Variants in DIDO1 observed in about 807,000 individuals in gnomAD.
DIDO1 encodes death-inducer obliterator 1.
Under a neutral mutation model 99.4 loss-of-function variants are expected in DIDO1, and 16 were observed. That is an observed-to-expected ratio of 0.16 (90% CI 0.11 to 0.24). The LOEUF is 0.24. DIDO1 is among the 10% of genes least tolerant of loss of function. The probability of loss-of-function intolerance (pLI) is 1.00; values close to 1 mark genes in which losing one functional copy is unlikely to be tolerated. For missense variants in DIDO1, 2,996 were observed against 3,014.0 expected (o/e 0.99, Z 0.14); for synonymous variants, 1,366 against 1,239.1 (o/e 1.10, Z -2.15).
chr20:62,882,915 C>T (rs979570359), intron 15 of DIDO1, among the ~76,000 whole-genome samples: 3 of 81,384 alleles, frequency 3.7e-5, no homozygotes, highest in Non-Finnish European at 6.4e-5. Flanking sequence ...AACAAACAGC[C>T]TTTTTTTTTT....
chr20:62,905,986 C>T lies in DIDO1; in HGVS notation c.1489G>A (p.Ala497Thr). Residue 497 changes from alanine to threonine, a missense_variant, in exon 6 of 16, where the codon GCT (alanine) becomes ACT (threonine). This residue lies in a region of DIDO1 where 898 missense variants were observed against 972.7 expected (regional missense o/e 0.92). Coordinates refer to ENST00000395343, the MANE Select transcript of DIDO1 (RefSeq NM_001193369.2). Reference sequence around the variant, plus strand: ...CACGACGGCGTGCTGCTCTCACAAGCTGCTTCCTTCCCGAGTGCTTCACTC... The same window carrying T: ...CACGACGGCGTGCTGCTCTCACAAGTTGCTTCCTTCCCGAGTGCTTCACTC... The part of the protein sequence containing the change: ...ARSEALGKEA[A>T]CESSTPSWAS... 1 of 1,614,088 alleles carries T rather than the reference C, an allele frequency of 6.2e-7. No individual in the cohort carries two copies. Among genetic ancestry groups the T allele is most frequent in the Non-Finnish European group, 8.5e-7 (1 of 1,180,038 alleles).
intron 6 of DIDO1, chr20:62,905,116 T>C (rs1600978372): frequency 1.0e-6 from 1 of 1,000,010 alleles, no homozygotes; most frequent in African/African-American, 1.7e-5. Flanking sequence ...ATTTCATTAA[T>C]TTGAAATTTG....
chr20:62,912,387 A>G (rs2064961869), intron 2 of DIDO1, among the ~76,000 whole-genome samples: 1 of 151,584 alleles, frequency 6.6e-6, no homozygotes, highest in Non-Finnish European at 1.5e-5. Context: ...CAACTGGGAC[A>G]CTTAGAAAAC....
At chr20:62,893,531 T>C in intron 12 of DIDO1, 135 bp downstream of exon 12, 1 of 1,109,046 alleles carries the variant, frequency 9.0e-7, no homozygotes, top group South Asian at 2.0e-5. Flanking sequence ...CAACTGGGGC[T>C]TTTTAAAAGA....
chr20:62,889,403 T>C (rs1465992534), intron 15 of DIDO1: 3 of 985,440 alleles, frequency 3.0e-6, no homozygotes, highest in Non-Finnish European at 2.4e-6. Context: ...AGTTTGGAGA[T>C]GAGCAGGGAG....
chr20:62,915,226 G>A (rs564461917), intron 1 of DIDO1, among the ~76,000 whole-genome samples: 23 of 152,300 alleles, frequency 1.5e-4, no homozygotes, highest in Admixed American at 1.2e-3. Context: ...TGTGATCCCA[G>A]CTGCTTGGGA....
chr20:62,888,469 CT>C (rs1257913260), intron 15 of DIDO1: 2 of 985,406 alleles, frequency 2.0e-6, no homozygotes, highest in African/African-American at 3.5e-5. Context: ...CCTGCAGACC[CT>C]CACCCAGCAC....
rs1289845038 is a variant in DIDO1, at chr20:62,880,684, G to A, written c.5272C>T (p.Pro1758Ser). The A allele has an allele frequency of 1.9e-6, 3 of 1,612,792 alleles. No homozygotes were observed. Residue 1758 changes from proline to serine, a missense_variant, in exon 16 of 16, where the codon CCT becomes TCT. By Grantham distance (74) the Pro-to-Ser change is moderately conservative. Transcript: ENST00000395343. ...PPFQGQREPG[P>S]HALGMSGLHG... ...AGCCCTGACATCCCCAAAGCATGAG[G>A]TCCAGGTTCCCGCTGACCCTGAAAC...
chr20:62,879,658 G>C lies in DIDO1; in HGVS notation c.6298C>G (p.Leu2100Val), dbSNP rs534209559. The part of the protein sequence containing the change: ...RFDVGPKEKP[L>V]EEPDAQGRAS... ...CGGCCCTGGGCGTCGGGCTCCTCCA[G>C]CGGCTTCTCTTTGGGCCCCACGTCA... Residue 2100 changes from leucine (L) to valine (V), a missense_variant, in exon 16 of 16, where the codon CTG becomes GTG. Around this residue, in one of 5 missense-constraint regions of DIDO1, gnomAD observed 1,562 missense variants for 1,412.6 expected, o/e 1.11. Coordinates refer to ENST00000395343, the MANE Select transcript of DIDO1 (RefSeq NM_001193369.2). The surrounding 1 kb of genome is among the most constrained non-coding windows in gnomAD (Gnocchi z 6.3). The C allele has an allele frequency of 1.1e-5, 17 of 1,608,326 alleles. No individual in the cohort carries two copies. In the Admixed American group the frequency reaches 2.2e-4, roughly 20 times the overall value.
chr20:62,909,309 C>G (rs929791826), intron 4 of DIDO1, among the ~76,000 whole-genome samples: 13 of 152,222 alleles, frequency 8.5e-5, no homozygotes, highest in Admixed American at 3.9e-4. Flanking sequence ...AACACAGCTG[C>G]AAGACAGAGA....
Position 62,919,547 on chromosome 20 carries a change from G to GA in DIDO1, c.-199-5142dup, listed in dbSNP as rs961675959. ...AAGAGCAAAACTCCCTCTCAAAGAA[G>GA]AAAAAAAAAAAGCAGCAAGGGTGCC... On this transcript the variant is annotated intron_variant, in intron 1 of 15. Coordinates refer to ENST00000395343, the MANE Select transcript of DIDO1 (RefSeq NM_001193369.2). Among the ~76,000 whole-genome samples, 1,108 of 139,274 alleles carry GA rather than the reference G, an allele frequency of 8.0e-3. 50 individuals carry two copies. The highest frequency in any genetic ancestry group is 0.071 in the Admixed American group (1,000 of 14,120). The allele number at this position is 139,274 out of a possible 152,430, so 91.4% of individuals were successfully genotyped here.
At chr20:62,887,408 G>C in intron 15 of DIDO1, 1 of 985,470 alleles carries the variant, frequency 1.0e-6, no homozygotes, top group Non-Finnish European at 1.2e-6. Flanking sequence ...AGTGAATACA[G>C]AAAGACACTA....
chr20:62,878,607 AGAT>A lies in DIDO1; in HGVS notation c.*623_*625del, dbSNP rs2064143616. On this transcript the variant is annotated 3_prime_UTR_variant, in exon 16 of 16. Coordinates refer to ENST00000395343, the MANE Select transcript of DIDO1 (RefSeq NM_001193369.2). ...TAAAATGCAACAATTATACTAGGAC[AGAT>A]GTTGCTTTAAATCATGTTTTGGAAA... 6.6e-6 allele frequency: 1 copy of A among 152,250 alleles called. No homozygotes were observed. The highest frequency in any genetic ancestry group is 2.1e-4 in the South Asian group (1 of 4,834). The allele number at this position is 152,250 out of a possible 1,614,324, so 9.4% of individuals were successfully genotyped here.
intron 6 of DIDO1, chr20:62,904,935 G>C (rs1382151078): frequency 3.2e-6 from 3 of 947,440 alleles, no homozygotes; most frequent in African/African-American, 1.8e-5. Flanking sequence ...TCTTTGAATT[G>C]AGACTATTTA....
intron 6 of DIDO1, among the ~76,000 whole-genome samples, chr20:62,900,421 T>C (rs888920925): frequency 2.4e-4 from 36 of 152,240 alleles, no homozygotes; most frequent in African/African-American, 8.7e-4. Context: ...ACAGCGCCTC[T>C]GGCCACTGGG....
At position 62,881,801 on chromosome 20, in the gene DIDO1, G is replaced by A. The variant is rs1413990954; in HGVS notation, c.4155C>T (p.Tyr1385=). Residue 1385 remains tyrosine, a synonymous_variant, in exon 16 of 16, where the codon TAC becomes TAT. Transcript: ENST00000395343. This position sits in a 1 kb window ranked among gnomAD's most constrained non-coding sequence, Gnocchi z 8.3. ...CCGGGTCGTACTCCTCCTCAGGGTC[G>A]TATGGCCTGTCGTCCTCCTCTTCCT... ...ALEEEEDDRP[Y]DPEEEYDPER... 1.9e-6 allele frequency: 3 copies of A among 1,613,448 alleles called. No individual in the cohort carries two copies. The highest frequency in any genetic ancestry group is 2.2e-5 in the East Asian group (1 of 44,876).
Position 62,881,610 on chromosome 20 carries a change from CA to C in DIDO1, c.4345del (p.Cys1449ValfsTer4). On this transcript the variant is annotated frameshift_variant, in exon 16 of 16. Coordinates refer to ENST00000395343, the MANE Select transcript of DIDO1 (RefSeq NM_001193369.2). LOFTEE classifies it low-confidence loss of function (END_TRUNC). This position sits in a 1 kb window ranked among gnomAD's most constrained non-coding sequence, Gnocchi z 8.3. ...CACGGAGTTCCTTCTCACGTCGGCA[CA>C]CATCCTGTTGGGCAGGTCATCAACA... ...VTVDDLPNRM[C>X]ADVRRNSVER... 6.2e-7 allele frequency: 1 copy of C among 1,612,436 alleles called. No homozygotes were observed. The highest frequency in any genetic ancestry group is 8.5e-7 in the Non-Finnish European group (1 of 1,180,018).
intron 15 of DIDO1, chr20:62,888,427 C>T (rs2064333193): frequency 1.0e-6 from 1 of 985,516 alleles, no homozygotes. Context: ...GCATGTGCCG[C>T]AGAGAACTGA....
chr20:62,899,242 A>T (rs562396330), intron 6 of DIDO1, among the ~76,000 whole-genome samples: 71 of 152,366 alleles, frequency 4.7e-4, no homozygotes, highest in African/African-American at 1.7e-3. Flanking sequence ...GTGTTTTAAT[A>T]TCACGTTTAA....
Sources: allele counts gnomAD v4.1 joint callset (sites outside exome capture counted in the v4.1 genomes callset), GRCh38; gene constraint gnomAD v4.1.1; regional missense constraint gnomAD v4.1.1; non-coding constraint Gnocchi (gnomAD v3.1); transcripts MANE v1.5; gene names NCBI Gene and HGNC (gene_info 2026-07-23, HGNC 2026-07-21).